PRTG: variants seen among roughly 807,000 people sequenced by gnomAD.
PRTG encodes the protein protogenin.
Under a neutral mutation model 122.5 loss-of-function variants are expected in PRTG, and 67 were observed. That is an observed-to-expected ratio of 0.55 (90% confidence interval 0.45 to 0.67). The LOEUF is 0.67. Among genes scored for constraint, PRTG ranks in the 30% least tolerant of loss-of-function variants. The probability of loss-of-function intolerance (pLI) is 0.00; values close to 1 mark genes in which losing one functional copy is unlikely to be tolerated. For synonymous variants in PRTG, 554 were observed against 501.1 expected (o/e 1.11, Z -1.41); for missense variants, 1,435 against 1,415.4 (o/e 1.01, Z -0.22).
chr15:55,705,282 T>C (rs1345168876), intron 2 of PRTG, among the ~76,000 whole-genome samples: 1 of 152,168 alleles, frequency 6.6e-6, no homozygotes, highest in Non-Finnish European at 1.5e-5. Flanking sequence ...GTAGGACACA[T>C]ACATTCATGC....
chr15:55,626,222 C>T (rs1595601317), intron 17 of PRTG, among the ~76,000 whole-genome samples: 1 of 152,150 alleles, frequency 6.6e-6, no homozygotes, highest in South Asian at 2.1e-4. Flanking sequence ...TCAAGACCAG[C>T]CTGGCCAACA....
At chr15:55,662,823 G>C (rs2059417358) in intron 11 of PRTG, among the ~76,000 whole-genome samples, 1 of 152,190 alleles carries the variant, frequency 6.6e-6, no homozygotes, top group South Asian at 2.1e-4. Context: ...TTCTTCTGCT[G>C]AAGTCTGATA....
chr15:55,633,366 C>T (rs929705389), intron 15 of PRTG, among the ~76,000 whole-genome samples: 3 of 152,018 alleles, frequency 2.0e-5, no homozygotes, highest in African/African-American at 4.8e-5. Flanking sequence ...CATGCCACCA[C>T]GCCCTATAAT....
intron 17 of PRTG, among the ~76,000 whole-genome samples, chr15:55,625,468 T>TA (rs1283741532): frequency 6.6e-6 from 1 of 151,968 alleles, no homozygotes; most frequent in South Asian, 2.1e-4. Flanking sequence ...TTTTTTTTTT[T>TA]AGACAGGATC....
rs763096119 is a variant in PRTG at position 55,740,489 on chromosome 15, T to C, written c.290A>G (p.Glu97Gly). ...VLSNGSLYIS[E>G]VEGRRGEQSD... Reference sequence around the variant, plus strand: ...CTGCTCTCCTCGCCTGCCTTCCACCTCACTGATGTATAAAGAGCCGTTAGA... The same window carrying C: ...CTGCTCTCCTCGCCTGCCTTCCACCCCACTGATGTATAAAGAGCCGTTAGA... Residue 97 changes from glutamate (E) to glycine (G), a missense_variant, in exon 2 of 20, where the codon GAG becomes GGG. Glu to Gly is a moderately conservative substitution (Grantham distance 98, BLOSUM62 -2). Transcript: ENST00000389286. 5.0e-5 allele frequency: 81 copies of C among 1,614,096 alleles called. No homozygotes were observed. The highest frequency in any genetic ancestry group is 1.6e-4 in the Middle Eastern group (1 of 6,084).
At chr15:55,649,743 G>C (rs2059343381) in intron 11 of PRTG, among the ~76,000 whole-genome samples, 1 of 152,110 alleles carries the variant, frequency 6.6e-6, no homozygotes, top group African/African-American at 2.4e-5. Context: ...AGTGAGCTGA[G>C]ATTGGGTCAC....
At chr15:55,638,506 A>T in intron 14 of PRTG, 43 bp downstream of exon 14, 1 of 1,487,942 alleles carries the variant, frequency 6.7e-7, no homozygotes, top group African/African-American at 1.4e-5. Flanking sequence ...CATTTCCTTA[A>T]TTTTTTTTAA....
At chr15:55,657,027 A>C (rs2059383998) in intron 11 of PRTG, among the ~76,000 whole-genome samples, 1 of 152,238 alleles carries the variant, frequency 6.6e-6, no homozygotes, top group Non-Finnish European at 1.5e-5. Context: ...TTCCCAATGA[A>C]TCATACTAGA....
chr15:55,669,797 A>G (rs997361620), intron 11 of PRTG, among the ~76,000 whole-genome samples: 2 of 152,248 alleles, frequency 1.3e-5, no homozygotes, highest in South Asian at 2.1e-4. Flanking sequence ...AAGTCTCTAC[A>G]GCTGCAAGAG....
chr15:55,646,902 C>T (rs906721477), intron 11 of PRTG, among the ~76,000 whole-genome samples: 1 of 152,168 alleles, frequency 6.6e-6, no homozygotes, highest in Non-Finnish European at 1.5e-5. Context: ...TGGCTGTACT[C>T]TCCATCTTCT....
intron 2 of PRTG, among the ~76,000 whole-genome samples, chr15:55,723,616 A>G (rs1184526447): frequency 6.6e-6 from 1 of 152,180 alleles, no homozygotes; most frequent in Non-Finnish European, 1.5e-5. Flanking sequence ...ATTAAAAGAG[A>G]TCCACATAGA....
At chr15:55,625,127 G>A (rs1192457812) in intron 17 of PRTG, among the ~76,000 whole-genome samples, 3 of 152,006 alleles carry the variant, frequency 2.0e-5, no homozygotes, top group Non-Finnish European at 2.9e-5. Flanking sequence ...TGTATTTGAC[G>A]TTGATTTTTT....
intron 13 of PRTG, among the ~76,000 whole-genome samples, chr15:55,638,877 C>G (rs2059273150): frequency 1.3e-5 from 2 of 152,096 alleles, no homozygotes; most frequent in African/African-American, 2.4e-5. Context: ...AGAAATAAGC[C>G]TACTAGTTGC....
chr15:55,724,773 T>C (rs201021716), intron 2 of PRTG, among the ~76,000 whole-genome samples: 1 of 113,622 alleles, frequency 8.8e-6, no homozygotes, highest in Non-Finnish European at 1.8e-5. Context: ...AAATGAAAAA[T>C]AAAATAAAAA....
At chr15:55,733,835 AAACAAC>A (rs370070328) in intron 2 of PRTG, among the ~76,000 whole-genome samples, 3 of 152,054 alleles carry the variant, frequency 2.0e-5, no homozygotes, top group Non-Finnish European at 2.9e-5. Context: ...TCAACAACAA[AAACAAC>A]AACAACAACA....
At position 55,674,721 on chromosome 15, in the gene PRTG, T is replaced by C. The variant is rs2059492469; in HGVS notation, c.1546+798A>G. ...GGAAAAAAAGGAGATTTGGAGATTA[T>C]ATAAAAACATTTTAAAAACTAAGAG... On this transcript the variant is annotated intron_variant, in intron 9 of 19. Transcript: ENST00000389286. 2.6e-5 allele frequency among the ~76,000 whole-genome samples: 4 copies of C among 152,156 alleles called. No individual in the cohort carries two copies. In the South Asian group the frequency reaches 8.3e-4, roughly 32 times the overall value.
Position 55,628,860 on chromosome 15 carries a change from T to C in PRTG, c.2768A>G (p.Asn923Ser). ...AVLPKETSES[N>S]QRPKRLDSAD... ...AGAATCTAAACGCTTGGGCCTCTGATTTGATTCAGAGGTTTCCTTTGGAAG... is the reference window on the plus strand; with the variant it reads ...AGAATCTAAACGCTTGGGCCTCTGACTTGATTCAGAGGTTTCCTTTGGAAG... Residue 923 changes from asparagine (N) to serine (S), a missense_variant, in exon 16 of 20, where the codon AAT (asparagine) becomes AGT (serine). Coordinates refer to ENST00000389286, the MANE Select transcript of PRTG (RefSeq NM_173814.6). The C allele has an allele frequency of 1.2e-6, 2 of 1,613,960 alleles. No homozygotes were observed. Among genetic ancestry groups the C allele is most frequent in the Non-Finnish European group, 1.7e-6 (2 of 1,179,860 alleles).
At position 55,716,380 on chromosome 15, in the gene PRTG, T is replaced by C. The variant is rs777376294; in HGVS notation, c.397+24002A>G. On this transcript the variant is annotated intron_variant, in intron 2 of 19. Coordinates refer to ENST00000389286, the MANE Select transcript of PRTG (RefSeq NM_173814.6). ...GATAAACAATCCATGGGCTGAAGAA[T>C]GATGGGAGTTCCTCTGCCCACTACA... 8.5e-5 allele frequency among the ~76,000 whole-genome samples: 13 copies of C among 152,236 alleles called. No homozygotes were observed. The South Asian group carries it at 1.4e-3, about 17-fold the overall frequency.
chr15:55,651,148 G>GT (rs1298954544), intron 11 of PRTG, among the ~76,000 whole-genome samples: 1 of 152,062 alleles, frequency 6.6e-6, no homozygotes, highest in Non-Finnish European at 1.5e-5. Context: ...AATAGTAAGA[G>GT]TATGTGTAAA....
Sources: allele counts gnomAD v4.1 joint callset (sites outside exome capture counted in the v4.1 genomes callset), GRCh38; gene constraint gnomAD v4.1.1; transcripts MANE v1.5; gene names NCBI Gene and HGNC (gene_info 2026-07-23, HGNC 2026-07-21).